Variants in CTNNA3 observed in about 807,000 individuals in gnomAD.
The protein encoded by CTNNA3 is catenin alpha-3.
CTNNA3 carries 76 observed loss-of-function variants against 95.7 expected under a neutral mutation model. The ratio of observed to expected loss-of-function variants is 0.79; its 90% CI spans 0.66 to 0.96. The LOEUF is 0.96. Ranked by LOEUF, CTNNA3 falls within the 40% of genes least tolerant of loss-of-function variation. The pLI is 0.00. For missense variants in CTNNA3, 1,191 were observed against 1,089.8 expected (o/e 1.09, Z -1.31); for synonymous variants, 431 against 374.4 (o/e 1.15, Z -1.74).
chr10:66,426,371 T>C (rs1174308111), intron 11 of CTNNA3, among the ~76,000 whole-genome samples: 2 of 152,254 alleles, frequency 1.3e-5, no homozygotes, highest in African/African-American at 4.8e-5. Flanking sequence ...GTGAAGTATA[T>C]TACTGATACA....
At position 67,240,328 on chromosome 10, in the gene CTNNA3, T is replaced by C. The variant is rs559065394; in HGVS notation, c.580-20458A>G. Reference sequence around the variant, plus strand: ...ATTGCTTCACTGGTCATTGGGCAGCTTCATGTTCTATTAGGAAACAAAATA... The same window carrying C: ...ATTGCTTCACTGGTCATTGGGCAGCCTCATGTTCTATTAGGAAACAAAATA... On this transcript the variant is annotated intron_variant, in intron 5 of 17. Coordinates refer to ENST00000433211, the MANE Select transcript of CTNNA3 (RefSeq NM_013266.4). Among the ~76,000 whole-genome samples, 40 of 152,298 alleles carry C rather than the reference T, an allele frequency of 2.6e-4. No homozygotes were observed. In the East Asian group the frequency reaches 5.4e-3, roughly 21 times the overall value.
chr10:65,972,157 T>C (rs570360593), intron 16 of CTNNA3, among the ~76,000 whole-genome samples: 5 of 151,900 alleles, frequency 3.3e-5, no homozygotes, highest in Non-Finnish European at 7.4e-5. Flanking sequence ...AAGGAACATA[T>C]CTGAAAATAA....
At chr10:65,974,211 A>G (rs923182173) in intron 16 of CTNNA3, among the ~76,000 whole-genome samples, 1 of 152,186 alleles carries the variant, frequency 6.6e-6, no homozygotes, top group African/African-American at 2.4e-5. Flanking sequence ...AAACATAACT[A>G]ACATTTGACT....
chr10:66,640,112 C>T (rs1475808963), intron 9 of CTNNA3, among the ~76,000 whole-genome samples: 1 of 152,136 alleles, frequency 6.6e-6, no homozygotes, highest in African/African-American at 2.4e-5. Flanking sequence ...ACACAAAATA[C>T]ACATTTTCAG....
At chr10:66,513,658 C>T (rs1025397208) in intron 11 of CTNNA3, among the ~76,000 whole-genome samples, 1 of 152,102 alleles carries the variant, frequency 6.6e-6, no homozygotes, top group Non-Finnish European at 1.5e-5. Flanking sequence ...GTTTGGGGAT[C>T]AGTGTTCATG....
intron 7 of CTNNA3, chr10:67,099,177 A>G (rs1196201721): frequency 6.6e-6 from 1 of 151,864 alleles, no homozygotes; most frequent in African/African-American, 2.4e-5. Context: ...TATTGATTAT[A>G]CAATTGTATT....
intron 7 of CTNNA3, among the ~76,000 whole-genome samples, chr10:66,920,172 C>T (rs905624790): frequency 4.6e-5 from 7 of 152,194 alleles, no homozygotes; most frequent in Non-Finnish European, 8.8e-5. Context: ...GTCATAGATA[C>T]TCTGATTGCA....
intron 13 of CTNNA3, 99 bp from the exon 14 acceptor site, chr10:66,103,348 C>T (rs2081731232): frequency 1.2e-6 from 1 of 868,798 alleles, no homozygotes; most frequent in South Asian, 1.4e-5. Context: ...CATAAAGTTA[C>T]CATATGACCC....
chr10:66,124,464 G>A (rs979413232), intron 13 of CTNNA3, among the ~76,000 whole-genome samples: 3 of 152,072 alleles, frequency 2.0e-5, no homozygotes, highest in Non-Finnish European at 4.4e-5. Flanking sequence ...CTTCTTCTGA[G>A]CCCTCCAAAC....
At chr10:66,485,261 A>G (rs1839685451) in intron 11 of CTNNA3, among the ~76,000 whole-genome samples, 1 of 152,172 alleles carries the variant, frequency 6.6e-6, no homozygotes, top group African/African-American at 2.4e-5. Context: ...GTTTTTAAAC[A>G]AAAGGTATCC....
At chr10:67,152,206 C>T (rs1210870334) in intron 7 of CTNNA3, among the ~76,000 whole-genome samples, 4 of 152,190 alleles carry the variant, frequency 2.6e-5, no homozygotes, top group Admixed American at 1.3e-4. Flanking sequence ...GCCTCATCAT[C>T]TACCTCTCTT....
chr10:66,030,515 A>G (rs1230488710), intron 15 of CTNNA3, among the ~76,000 whole-genome samples: 1 of 152,168 alleles, frequency 6.6e-6, no homozygotes, highest in Non-Finnish European at 1.5e-5. Flanking sequence ...ATACAGAAGA[A>G]TGAAACTGGA....
At chr10:66,815,581 TGTC>T (rs1842045208) in intron 7 of CTNNA3, among the ~76,000 whole-genome samples, 1 of 152,190 alleles carries the variant, frequency 6.6e-6, no homozygotes, top group Non-Finnish European at 1.5e-5. Flanking sequence ...TGATTTGAAA[TGTC>T]AGCCCACGTG....
intron 15 of CTNNA3, among the ~76,000 whole-genome samples, chr10:66,052,446 G>A (rs202055654): frequency 2.9e-5 from 1 of 34,280 alleles, no homozygotes; most frequent in Non-Finnish European, 8.3e-5. Flanking sequence ...TAAAGCATTC[G>A]AGGTCAAAGA....
chr10:66,284,462 A>G (rs2091551038), intron 12 of CTNNA3, among the ~76,000 whole-genome samples: 1 of 151,842 alleles, frequency 6.6e-6, no homozygotes, highest in African/African-American at 2.4e-5. Context: ...GGGGTTTCTG[A>G]ATTGCTGCTC....
At chr10:66,820,743 T>A (rs6480222) in intron 7 of CTNNA3, among the ~76,000 whole-genome samples, 127,890 of 151,922 alleles carry the variant, frequency 0.84, 53,935 homozygotes, top group East Asian at 0.97. Context: ...TCAAATTTTT[T>A]AATTACTTCT....
intron 5 of CTNNA3, among the ~76,000 whole-genome samples, chr10:67,474,754 A>G (rs545225157): frequency 5.9e-5 from 9 of 152,342 alleles, no homozygotes; most frequent in African/African-American, 1.7e-4. Context: ...AATTAAAAAC[A>G]TTTTTTAAAA....
intron 5 of CTNNA3, among the ~76,000 whole-genome samples, chr10:67,446,490 A>G (rs1846753149): frequency 6.6e-6 from 1 of 152,070 alleles, no homozygotes. Context: ...TCCTTCTCTC[A>G]CTTATCATCT....
In CTNNA3 at chr10:65,924,737, C is replaced by G. The variant is rs192909960; in HGVS notation, c.2401-4120G>C. ...TTTGTTCTCACGCTGCTAATAAAGA[C>G]ATACCTGAGACTGGGTAATTTATAA... is the stretch of plus-strand genomic sequence containing the variant. On this transcript the variant is annotated intron_variant, in intron 17 of 17. Transcript: ENST00000433211. 7.9e-3 allele frequency among the ~76,000 whole-genome samples: 1,197 copies of G among 152,272 alleles called. 16 individuals are homozygous for G. The highest frequency in any genetic ancestry group is 0.027 in the African/African-American group (1,135 of 41,556).
Sources: allele counts gnomAD v4.1 joint callset (sites outside exome capture counted in the v4.1 genomes callset), GRCh38; gene constraint gnomAD v4.1.1; transcripts MANE v1.5; gene names NCBI Gene and HGNC (gene_info 2026-07-23, HGNC 2026-07-21).